Variants in CCSER1 observed in about 807,000 individuals in gnomAD.
CCSER1 encodes coiled-coil serine rich protein 1.
Under a neutral mutation model 82.0 loss-of-function variants are expected in CCSER1, and 41 were observed. The ratio of observed to expected loss-of-function variants is 0.50; its 90% confidence interval spans 0.39 to 0.65. The LOEUF is 0.65. CCSER1 is among the 30% of genes least tolerant of loss of function. The pLI is 0.00. For synonymous variants in CCSER1, 414 were observed against 383.9 expected (o/e 1.08, Z -0.92); for missense variants, 1,119 against 1,064.2 (o/e 1.05, Z -0.72).
chr4:90,750,019 G>T (rs1259985401), intron 7 of CCSER1, among the ~76,000 whole-genome samples: 2 of 152,126 alleles, frequency 1.3e-5, no homozygotes, highest in African/African-American at 4.8e-5. Context: ...TTGTGGTGTT[G>T]ATTTGTATTT....
At chr4:90,651,268 G>C (rs56334309) in intron 6 of CCSER1, among the ~76,000 whole-genome samples, 72,560 of 151,956 alleles carry the variant, frequency 0.48, 17,589 homozygotes, top group Middle Eastern at 0.65. Flanking sequence ...ATTCACAATA[G>C]CAAAGACTTG....
At chr4:90,527,772 C>T (rs1376968449) in intron 5 of CCSER1, among the ~76,000 whole-genome samples, 1 of 151,926 alleles carries the variant, frequency 6.6e-6, no homozygotes, top group Non-Finnish European at 1.5e-5. Flanking sequence ...TCTTATATAT[C>T]CTGCCTTTTA....
At chr4:91,137,012 C>CT (rs33996386) in intron 10 of CCSER1, among the ~76,000 whole-genome samples, 8,575 of 149,104 alleles carry the variant, frequency 0.058, 489 homozygotes, top group East Asian at 0.16. Context: ...TATAAAAATT[C>CT]TTTTTTTTTT....
intron 10 of CCSER1, among the ~76,000 whole-genome samples, chr4:91,170,758 C>T (rs1732663460): frequency 6.6e-6 from 1 of 152,158 alleles, no homozygotes; most frequent in Non-Finnish European, 1.5e-5. Context: ...ACTTAATTGT[C>T]CCCTGATTTT....
At chr4:90,521,537 G>A (rs1050893063) in intron 5 of CCSER1, among the ~76,000 whole-genome samples, 2 of 152,050 alleles carry the variant, frequency 1.3e-5, no homozygotes, top group African/African-American at 4.8e-5. Flanking sequence ...ACTGTCCACT[G>A]GAGAGCGCAA....
At chr4:91,462,066 T>C (rs773287631) in intron 10 of CCSER1, among the ~76,000 whole-genome samples, 50 of 152,138 alleles carry the variant, frequency 3.3e-4, no homozygotes, top group Non-Finnish European at 6.5e-4. Flanking sequence ...GATAAAAAGA[T>C]GTAAGGGGAA....
chr4:90,861,928 T>TATATATATATATATA (rs1561265442), intron 8 of CCSER1, among the ~76,000 whole-genome samples: 178 of 109,306 alleles, frequency 1.6e-3, no homozygotes, highest in African/African-American at 4.8e-3. Context: ...ATATATATAT[T>TATATATATATATATA]TTTTTTTTCT....
chr4:90,332,839 GC>G (rs1455574717), intron 3 of CCSER1, among the ~76,000 whole-genome samples: 3 of 152,004 alleles, frequency 2.0e-5, no homozygotes, highest in Non-Finnish European at 4.4e-5. Context: ...ATTTAACCTT[GC>G]CACAGTATTT....
chr4:90,524,530 G>A (rs532286964), intron 5 of CCSER1, among the ~76,000 whole-genome samples: 2 of 152,118 alleles, frequency 1.3e-5, no homozygotes, highest in Admixed American at 6.5e-5. Context: ...GTGCAGTGGT[G>A]TGATCTTGGC....
intron 6 of CCSER1, among the ~76,000 whole-genome samples, chr4:90,703,949 A>G (rs1738737536): frequency 6.6e-6 from 1 of 152,164 alleles, no homozygotes; most frequent in Non-Finnish European, 1.5e-5. Flanking sequence ...TGTGTCTTTC[A>G]ATTGGAGCAT....
At chr4:90,550,159 G>A (rs1157907119) in intron 5 of CCSER1, among the ~76,000 whole-genome samples, 3 of 152,102 alleles carry the variant, frequency 2.0e-5, no homozygotes, top group Non-Finnish European at 4.4e-5. Flanking sequence ...GAGAGCAAGG[G>A]GTAGTTATAA....
At chr4:90,621,244 T>C (rs964227190) in intron 5 of CCSER1, among the ~76,000 whole-genome samples, 6 of 152,228 alleles carry the variant, frequency 3.9e-5, no homozygotes, top group Non-Finnish European at 7.3e-5. Context: ...TTTTTTCTTT[T>C]TTGCCAGGGA....
chr4:90,894,147 A>C (rs527927851), intron 8 of CCSER1, among the ~76,000 whole-genome samples: 2 of 152,220 alleles, frequency 1.3e-5, no homozygotes, highest in South Asian at 4.1e-4. Context: ...CAATTTTTAA[A>C]TAATGCACCA....
intron 10 of CCSER1, among the ~76,000 whole-genome samples, chr4:91,280,313 G>A (rs1450813321): frequency 7.2e-5 from 11 of 152,180 alleles, no homozygotes; most frequent in Non-Finnish European, 1.5e-5. Context: ...ACCCAAGTTG[G>A]TATTGCATGG....
intron 7 of CCSER1, among the ~76,000 whole-genome samples, chr4:90,798,561 T>G (rs1756349489): frequency 6.6e-6 from 1 of 152,214 alleles, no homozygotes. Context: ...TCTGGCTTTT[T>G]GGGTTGACAC....
chr4:91,504,965 A>T (rs1759408185), intron 10 of CCSER1, among the ~76,000 whole-genome samples: 1 of 152,214 alleles, frequency 6.6e-6, no homozygotes, highest in Non-Finnish European at 1.5e-5. Flanking sequence ...GTTCCTGGGT[A>T]CATGTGCAGG....
intron 10 of CCSER1, among the ~76,000 whole-genome samples, chr4:91,294,237 T>C (rs1050684577): frequency 1.3e-5 from 2 of 151,972 alleles, no homozygotes; most frequent in African/African-American, 4.8e-5. Flanking sequence ...TAGAAATATA[T>C]GTGAAAATTT....
intron 10 of CCSER1, among the ~76,000 whole-genome samples, chr4:91,505,466 G>T (rs2110102713): frequency 6.6e-6 from 1 of 152,272 alleles, no homozygotes; most frequent in Non-Finnish European, 1.5e-5. Flanking sequence ...ACCCAGTAAT[G>T]GGATTGCTAG....
intron 8 of CCSER1, among the ~76,000 whole-genome samples, chr4:90,821,354 T>C (rs1759696253): frequency 6.6e-6 from 1 of 152,168 alleles, no homozygotes; most frequent in East Asian, 1.9e-4. Flanking sequence ...GTGAGAATTA[T>C]TACACATCAT....
Sources: allele counts gnomAD v4.1 joint callset (sites outside exome capture counted in the v4.1 genomes callset), GRCh38; gene constraint gnomAD v4.1.1; transcripts MANE v1.5; gene names NCBI Gene and HGNC (gene_info 2026-07-23, HGNC 2026-07-21).